Variants in CHD4 observed in about 807,000 individuals in gnomAD.
CHD4 encodes chromodomain helicase DNA binding protein 4, also known as ATP-dependent chromatin remodeler CHD4.
In CHD4, 35 loss-of-function variants were observed where a neutral mutation model predicts 235.5. The ratio of observed to expected loss-of-function variants is 0.15; its 90% CI spans 0.11 to 0.20. The LOEUF (loss-of-function observed/expected upper bound fraction) is 0.20. Ranked by LOEUF, CHD4 falls within the 10% of genes least tolerant of loss-of-function variation. The pLI, the probability that CHD4 is intolerant of heterozygous loss-of-function variation, is 1.00. For missense variants in CHD4, 1,329 were observed against 2,432.3 expected, an observed-to-expected ratio of 0.55 and a Z score of 9.54; for synonymous variants, 900 against 850.2, an observed-to-expected ratio of 1.06 and a Z score of -1.02.
intron 37 of CHD4, among the ~76,000 whole-genome samples, chr12:6,575,334 CCTA>C (rs1948050644): frequency 6.6e-6 from 1 of 151,584 alleles, no homozygotes. Context: ...TGTAATCCCA[CCTA>C]CTTAGGAGGC....
intron 13 of CHD4, among the ~76,000 whole-genome samples, chr12:6,595,788 C>CAAA (rs141382153): frequency 2.4e-5 from 2 of 82,516 alleles, no homozygotes; most frequent in South Asian, 4.3e-4. Flanking sequence ...GACTTCGTCT[C>CAAA]AAAAAAAAAA....
Position 6,582,187 on chromosome 12 carries a change from G to A in CHD4, c.4465C>T (p.Arg1489Cys). The change falls in exon 30 of 40, where the codon CGC (arginine) becomes TGC (cysteine). Residue 1489 changes from arginine (R) to cysteine (C), a missense_variant. Around this residue, in one of 26 missense-constraint regions of CHD4, gnomAD observed 48 missense variants for 109.6 expected, o/e 0.44. Transcript: ENST00000544040. ...CCAATTCTAGTAAGGACATGCTGGC[G>A]AGACAGGCCTTCTCGGGGGACACCA... ...ADGVPREGLS[R>C]QHVLTRIGVM... The A allele has an allele frequency of 6.2e-7, 1 of 1,601,496 alleles. No individual in the cohort carries two copies. Among genetic ancestry groups the A allele is most frequent in the Non-Finnish European group, 8.5e-7 (1 of 1,174,924 alleles).
intron 12 of CHD4, 50 bp downstream of exon 12, chr12:6,597,844 G>T: frequency 1.3e-6 from 2 of 1,519,136 alleles, no homozygotes; most frequent in Non-Finnish European, 1.8e-6. Flanking sequence ...AATCTCTTTA[G>T]CAGGACTCTC....
chr12:6,579,778 C>T (rs532427710), intron 33 of CHD4, among the ~76,000 whole-genome samples: 46 of 144,600 alleles, frequency 3.2e-4, no homozygotes, highest in Admixed American at 1.7e-3. Context: ...AAATTTTGGC[C>T]AGGCGTGGTG....
chr12:6,594,693 C>T (rs375321825), intron 14 of CHD4, 43 bp from the exon 15 acceptor site: 2 of 1,555,468 alleles, frequency 1.3e-6, no homozygotes, highest in Non-Finnish European at 8.8e-7. Context: ...CAAGGAACTC[C>T]CCTCCTCCCC....
chr12:6,596,001 C>T lies in CHD4; in HGVS notation c.2024+5G>A. 1 of 1,604,738 alleles carries T rather than the reference C, an allele frequency of 6.2e-7. No individual in the cohort carries two copies. The highest frequency in any genetic ancestry group is 8.5e-7 in the Non-Finnish European group (1 of 1,176,582). ...CAACTCTATGCCTCACCCAAAATCACTCACCTGTGATTCCAATAGCTCTGC... is the reference window on the plus strand; with the variant it reads ...CAACTCTATGCCTCACCCAAAATCATTCACCTGTGATTCCAATAGCTCTGC... On this transcript the variant is annotated splice_donor_5th_base_variant and intron_variant, in intron 13 of 39. Transcript: ENST00000544040.
intron 37 of CHD4, among the ~76,000 whole-genome samples, chr12:6,576,593 CCTCT>C (rs1414609196): frequency 9.2e-5 from 14 of 152,120 alleles, no homozygotes; most frequent in Admixed American, 7.9e-4. Context: ...ACTGTGTCTG[CCTCT>C]CTGAGAACTT....
intron 2 of CHD4, among the ~76,000 whole-genome samples, chr12:6,604,443 A>G (rs1299857085): frequency 6.6e-6 from 1 of 152,110 alleles, no homozygotes; most frequent in East Asian, 1.9e-4. Context: ...CCTGCTTCTC[A>G]GCCCAGAATA....
At chr12:6,594,745 C>T (rs1302618772) in intron 14 of CHD4, 95 bp from the exon 15 acceptor site, 10 of 1,161,052 alleles carry the variant, frequency 8.6e-6, no homozygotes, top group Non-Finnish European at 1.1e-5. Context: ...TTCACGGATC[C>T]TCTTGGGGAA....
intron 22 of CHD4, among the ~76,000 whole-genome samples, chr12:6,589,298 C>T (rs1000126013): frequency 6.6e-6 from 1 of 152,188 alleles, no homozygotes; most frequent in Non-Finnish European, 1.5e-5. Flanking sequence ...TAAGGAGAAA[C>T]AGGACACTGA....
chr12:6,599,628 A>G, intron 10 of CHD4, 145 bp downstream of exon 10: 1 of 1,008,446 alleles, frequency 9.9e-7, no homozygotes, highest in Non-Finnish European at 1.4e-6. Context: ...GGACAAAAGT[A>G]TCCCAACACT....
At chr12:6,603,751 A>G (rs1948639737) in intron 2 of CHD4, among the ~76,000 whole-genome samples, 1 of 152,192 alleles carries the variant, frequency 6.6e-6, no homozygotes, top group South Asian at 2.1e-4. Flanking sequence ...TCCCTCAATC[A>G]TAATTATTTT....
chr12:6,586,467 G>C (rs771933231), intron 25 of CHD4, among the ~76,000 whole-genome samples: 3 of 152,136 alleles, frequency 2.0e-5, no homozygotes, highest in Non-Finnish European at 4.4e-5. Context: ...GCTAACACCT[G>C]TAATTCCAGC....
intron 2 of CHD4, among the ~76,000 whole-genome samples, chr12:6,603,774 AGCTGAGATTTAACAAAG>A (rs1291653465): frequency 2.0e-5 from 3 of 152,304 alleles, no homozygotes; most frequent in Non-Finnish European, 4.4e-5. Context: ...CAATCATCAG[AGCTGAGATTTAACAAAG>A]GCTCAGTGGA....
At chr12:6,594,904 A>ATACAATAATTCTACTAGTCAG (rs1374388395) in intron 14 of CHD4, among the ~76,000 whole-genome samples, 1 of 152,178 alleles carries the variant, frequency 6.6e-6, no homozygotes, top group Non-Finnish European at 1.5e-5. Flanking sequence ...CTCCCTACCA[A>ATACAATAATTCTACTAGTCAG]TACAATAATT....
rs770890370 is a variant in CHD4 at position 6,598,467 on chromosome 12, GGGA to G, written c.1483-45_1483-43del. 2.9e-5 allele frequency: 43 copies of G among 1,464,724 alleles called. No homozygotes were observed. The Admixed American group carries it at 4.7e-4, about 16-fold the overall frequency. 90.7% of individuals were successfully genotyped at this position (1,464,724 alleles called of 1,614,324 possible). On this transcript the variant is annotated intron_variant, in intron 10 of 39. Coordinates refer to ENST00000544040, the MANE Select transcript of CHD4 (RefSeq NM_001273.5). Reference sequence around the variant, plus strand: ...CAACTTAATCTCAAATCATAACCATGGGAGGAGAAGGGACAGCCCACAGTCTCA... The same window carrying G: ...CAACTTAATCTCAAATCATAACCATGGGAGAAGGGACAGCCCACAGTCTCA...
intron 13 of CHD4, 34 bp downstream of exon 13, chr12:6,595,966 AAAAAAG>A (rs1948486818): frequency 6.4e-7 from 1 of 1,573,770 alleles, no homozygotes; most frequent in Non-Finnish European, 8.6e-7. Context: ...CAAAAAAAAA[AAAAAAG>A]AAACAACTCT....
rs541611849 is a variant in CHD4, at chr12:6,587,268, A to T, written c.3879+116T>A. The T allele has an allele frequency of 6.1e-6, 6 of 988,656 alleles. No homozygotes were observed. In the Admixed American group the frequency reaches 1.4e-4, roughly 24 times the overall value. 61.2% of individuals were successfully genotyped at this position (988,656 alleles called of 1,614,324 possible). A position where few individuals can be genotyped will look rare whatever the true frequency, so the allele number is the denominator to read the frequency against. On this transcript the variant is annotated intron_variant, in intron 25 of 39. Transcript: ENST00000544040. ...GTTTTCAAAGGAAGAGGATCAATTC[A>T]TCAACATAAGAATTTGCCTACAGAT...
Position 6,600,855 on chromosome 12 carries a change from G to A in CHD4, c.927+71C>T, listed in dbSNP as rs868355806. 29 of 1,524,604 alleles carry A rather than the reference G, an allele frequency of 1.9e-5. No homozygotes were observed. The South Asian group carries it at 3.3e-4, about 17-fold the overall frequency. The allele number at this position is 1,524,604 out of a possible 1,614,324, so 94.4% of individuals were successfully genotyped here. A position where few individuals can be genotyped will look rare whatever the true frequency, so the allele number is the denominator to read the frequency against. On this transcript the variant is annotated intron_variant, in intron 7 of 39. Coordinates refer to ENST00000544040, the MANE Select transcript of CHD4 (RefSeq NM_001273.5). ...CTTACGTGCCTACTATGAAGGACAG[G>A]TTCTGATAGAAGGTCACATCCTTTC...
Sources: gnomAD v4.1 joint callset for allele counts (sites outside exome capture counted in the v4.1 genomes callset) on GRCh38, gnomAD v4.1.1 for gene constraint, gnomAD v4.1.1 regional missense constraint, MANE v1.5 for transcripts, NCBI Gene and HGNC (gene_info 2026-07-23, HGNC 2026-07-21) for gene names.